The following GTF2IRD1 variants were observed in gnomAD, a reference collection of about 807,000 sequenced individuals.
GTF2IRD1 encodes the protein GTF2I repeat domain containing 1.
GTF2IRD1 carries 26 observed loss-of-function variants against 113.2 expected under a neutral mutation model. That is an observed-to-expected ratio of 0.23 (90% CI 0.17 to 0.32). GTF2IRD1 has a LOEUF of 0.32. GTF2IRD1 is among the 10% of genes least tolerant of loss of function. The pLI, the probability that GTF2IRD1 is intolerant of heterozygous loss-of-function variation, is 1.00. For synonymous variants in GTF2IRD1, 484 were observed against 529.1 expected, an observed-to-expected ratio of 0.91 and a Z score of 1.17; for missense variants, 864 against 1,280.8, an observed-to-expected ratio of 0.67 and a Z score of 4.97.
intron 22 of GTF2IRD1, among the ~76,000 whole-genome samples, chr7:74,578,342 C>T (rs1283903413): frequency 2.0e-5 from 3 of 152,022 alleles, no homozygotes; most frequent in African/African-American, 4.8e-5. Flanking sequence ...CCCGCCACCA[C>T]GCCCAGCTAA....
chr7:74,584,498 G>A (rs1272491347), intron 22 of GTF2IRD1, among the ~76,000 whole-genome samples: 1 of 152,160 alleles, frequency 6.6e-6, no homozygotes, highest in East Asian at 1.9e-4. Context: ...TTTATCCTGT[G>A]CTCAGTAAAT....
intron 1 of GTF2IRD1, among the ~76,000 whole-genome samples, chr7:74,479,145 A>G (rs1265529392): frequency 2.6e-5 from 4 of 151,648 alleles, no homozygotes; most frequent in East Asian, 1.9e-4. Context: ...TGGCTCCCCA[A>G]CTCCAAGCAT....
At chr7:74,565,078 G>T (rs2130823591) in intron 22 of GTF2IRD1, among the ~76,000 whole-genome samples, 2 of 152,096 alleles carry the variant, frequency 1.3e-5, no homozygotes, top group South Asian at 4.1e-4. Context: ...GGGGGACTGG[G>T]TCCCCCAACT....
At chr7:74,573,619 C>T (rs1800826714) in intron 22 of GTF2IRD1, among the ~76,000 whole-genome samples, 1 of 152,138 alleles carries the variant, frequency 6.6e-6, no homozygotes, top group Admixed American at 6.6e-5. Context: ...GCACCTTGTG[C>T]AGAACAGAAG....
chr7:74,546,518 G>A (rs1261013708), intron 16 of GTF2IRD1, among the ~76,000 whole-genome samples: 9 of 151,978 alleles, frequency 5.9e-5, no homozygotes, highest in African/African-American at 1.2e-4. Context: ...CACTGCACCC[G>A]GCCCCCTGTG....
At position 74,538,770 on chromosome 7, in the gene GTF2IRD1, G is replaced by A. The variant is rs367568831; in HGVS notation, c.1528+10G>A. On this transcript the variant is annotated intron_variant, in intron 13 of 26. Coordinates refer to ENST00000424337, the MANE Select transcript of GTF2IRD1 (RefSeq NM_005685.4). The stretch of plus-strand genomic sequence containing the variant: ...CAGGTCACCGTCCCAGGTAAGGGAC[G>A]GGCATCTGACCACCCCCTGCAGAAA... The A allele has an allele frequency of 2.8e-4, 413 of 1,466,638 alleles. 2 individuals carry two copies. The highest frequency in any genetic ancestry group is 3.4e-4 in the Non-Finnish European group (359 of 1,045,860). 90.9% of individuals were successfully genotyped at this position (1,466,638 alleles called of 1,614,324 possible).
intron 22 of GTF2IRD1, among the ~76,000 whole-genome samples, chr7:74,575,597 C>G (rs1800996311): frequency 6.6e-6 from 1 of 152,194 alleles, no homozygotes; most frequent in Non-Finnish European, 1.5e-5. Flanking sequence ...GTCACCCACT[C>G]TTAGGTGAGT....
At chr7:74,459,521 T>C (rs1366119541) in intron 1 of GTF2IRD1, among the ~76,000 whole-genome samples, 1 of 151,976 alleles carries the variant, frequency 6.6e-6, no homozygotes, top group Non-Finnish European at 1.5e-5. Flanking sequence ...GGATGTACTT[T>C]ATCTTACACG....
At chr7:74,571,523 C>G (rs185174242) in intron 22 of GTF2IRD1, among the ~76,000 whole-genome samples, 30 of 152,344 alleles carry the variant, frequency 2.0e-4, no homozygotes, top group East Asian at 1.9e-4. Flanking sequence ...ATCGTCTCCT[C>G]TGTAAACGTT....
Position 74,544,804 on chromosome 7 carries a change from T to C in GTF2IRD1, c.1666+2T>C, listed in dbSNP as rs1554352788. ...GGCCCGAGGAGAGGCCCGTGGAGGG[T>C]GAGGCCCTGTCTACCCCTGACATTT... On this transcript the variant is annotated splice_donor_variant, in intron 15 of 26. Coordinates refer to ENST00000424337, the MANE Select transcript of GTF2IRD1 (RefSeq NM_005685.4). LOFTEE classifies it high-confidence loss of function. 6.2e-7 allele frequency: 1 copy of C among 1,611,856 alleles called. No individual in the cohort carries two copies. The highest frequency in any genetic ancestry group is 1.1e-5 in the South Asian group (1 of 91,004).
chr7:74,558,215 G>A (rs1293369296), intron 20 of GTF2IRD1, among the ~76,000 whole-genome samples: 2 of 149,534 alleles, frequency 1.3e-5, no homozygotes, highest in African/African-American at 4.9e-5. Flanking sequence ...CGAGGGGGAG[G>A]TTGCAGTGAG....
At chr7:74,517,270 T>G (rs950312025) in intron 4 of GTF2IRD1, among the ~76,000 whole-genome samples, 2 of 149,300 alleles carry the variant, frequency 1.3e-5, no homozygotes, top group Non-Finnish European at 3.0e-5. Flanking sequence ...GTGATCCACC[T>G]GCCTCGGTAA....
Position 74,536,064 on chromosome 7 carries a change from C to T in GTF2IRD1, c.1301-103C>T, listed in dbSNP as rs587735371. 13 of 739,092 alleles carry T rather than the reference C, an allele frequency of 1.8e-5. No individual in the cohort carries two copies. The East Asian group carries it at 3.4e-4, about 19-fold the overall frequency. 45.8% of individuals were successfully genotyped at this position (739,092 alleles called of 1,614,324 possible). ...AGGACAGGCAGAGGCCAGGCCCTAT[C>T]CCCGGGATTCCCCCAGCTTCACACA... On this transcript the variant is annotated intron_variant, in intron 10 of 26. Transcript: ENST00000424337.
rs587664823 is a variant in GTF2IRD1, at chr7:74,598,420, C to T, written c.2630-2624C>T. On this transcript the variant is annotated intron_variant, in intron 25 of 26. Transcript: ENST00000424337. ...GGTCAGGAGTTCAAGACCAGCCTGG[C>T]CAACATGGTGAAACCTTGTCTCTAC... Among the ~76,000 whole-genome samples, 422 of 151,462 alleles carry T rather than the reference C, an allele frequency of 2.8e-3. 2 individuals carry two copies. Among genetic ancestry groups the T allele is most frequent in the African/African-American group, 9.7e-3 (400 of 41,282 alleles).
intron 12 of GTF2IRD1, among the ~76,000 whole-genome samples, 185 bp from the exon 13 acceptor site, chr7:74,538,495 T>G (rs1358357025): frequency 3.9e-5 from 6 of 152,146 alleles, no homozygotes; most frequent in Non-Finnish European, 4.4e-5. Flanking sequence ...TCGGAGCCCC[T>G]AAGCCTGGCC....
intron 25 of GTF2IRD1, among the ~76,000 whole-genome samples, chr7:74,597,784 A>T (rs1249948130): frequency 2.6e-5 from 4 of 152,228 alleles, no homozygotes; most frequent in African/African-American, 9.6e-5. Context: ...AGTGAGTCAG[A>T]TGCTGTGTAG....
intron 6 of GTF2IRD1, among the ~76,000 whole-genome samples, chr7:74,520,680 C>T (rs1562830100): frequency 6.7e-6 from 1 of 149,664 alleles, no homozygotes; most frequent in Non-Finnish European, 1.5e-5. Context: ...ACCTGTAATT[C>T]CAGCTCTTTG....
chr7:74,476,933 G>T (rs537370557), intron 1 of GTF2IRD1, among the ~76,000 whole-genome samples: 1 of 152,292 alleles, frequency 6.6e-6, no homozygotes, highest in African/African-American at 2.4e-5. Flanking sequence ...TGAGCACTTA[G>T]TCAGCGTCCC....
intron 4 of GTF2IRD1, among the ~76,000 whole-genome samples, chr7:74,516,256 G>A (rs1349309951): frequency 6.6e-6 from 1 of 152,240 alleles, no homozygotes; most frequent in Non-Finnish European, 1.5e-5. Context: ...CCCCTCTCTT[G>A]GCACCCACAG....
Sources: gnomAD v4.1 joint callset for allele counts (sites outside exome capture counted in the v4.1 genomes callset) on GRCh38, gnomAD v4.1.1 for gene constraint, MANE v1.5 for transcripts, NCBI Gene and HGNC (gene_info 2026-07-23, HGNC 2026-07-21) for gene names.